The following LRP2 variants were observed in gnomAD, a reference collection of about 807,000 sequenced individuals.
LRP2 encodes the protein LDL receptor related protein 2.
LRP2 carries 172 observed loss-of-function variants against 531.0 expected under a neutral mutation model. That is an observed-to-expected ratio of 0.32 (90% CI 0.29 to 0.37). The LOEUF is 0.37. Among genes scored for constraint, LRP2 ranks in the 10% least tolerant of loss-of-function variants. The pLI is 1.00. For missense variants in LRP2, 5,167 were observed against 5,868.3 expected (o/e 0.88, Z 3.90); for synonymous variants, 1,992 against 2,027.6 (o/e 0.98, Z 0.47).
chr2:169,321,258 C>T (rs1476214234), intron 1 of LRP2, among the ~76,000 whole-genome samples: 1 of 152,046 alleles, frequency 6.6e-6, no homozygotes, highest in Non-Finnish European at 1.5e-5. Context: ...AGATTTTCAT[C>T]GCAACATTAT....
chr2:169,334,161 T>A (rs1685340271), intron 1 of LRP2, among the ~76,000 whole-genome samples: 1 of 152,214 alleles, frequency 6.6e-6, no homozygotes, highest in Non-Finnish European at 1.5e-5. Flanking sequence ...TTGCCTAATC[T>A]GTGTTTTAAA....
At chr2:169,285,987 G>A (rs1574221407) in intron 9 of LRP2, among the ~76,000 whole-genome samples, 6 of 152,332 alleles carry the variant, frequency 3.9e-5, no homozygotes, top group Admixed American at 3.9e-4. Flanking sequence ...GCCATACAGA[G>A]AGTATTTGTT....
intron 56 of LRP2, 27 bp downstream of exon 56, chr2:169,173,892 T>C: frequency 6.2e-7 from 1 of 1,613,806 alleles, no homozygotes; most frequent in Non-Finnish European, 8.5e-7. Flanking sequence ...GCTCTGGTCA[T>C]GCCTTGGTCC....
intron 1 of LRP2, among the ~76,000 whole-genome samples, chr2:169,359,485 G>T (rs1231438979): frequency 6.6e-6 from 1 of 152,088 alleles, no homozygotes; most frequent in African/African-American, 2.4e-5. Flanking sequence ...TGCGAAGTTT[G>T]CAATGGTAGC....
intron 24 of LRP2, among the ~76,000 whole-genome samples, chr2:169,241,587 C>T (rs573437615): frequency 1.6e-4 from 25 of 152,262 alleles, no homozygotes; most frequent in Middle Eastern, 3.4e-3. Context: ...AAACGAAGTA[C>T]AGAACGCACA....
chr2:169,204,171 A>G lies in LRP2; in HGVS notation c.7816T>C (p.Tyr2606His), dbSNP rs1688297594. 6.2e-7 allele frequency: 1 copy of G among 1,614,186 alleles called. No homozygotes were observed. The highest frequency in any genetic ancestry group is 8.5e-7 in the Non-Finnish European group (1 of 1,180,014). The change falls in exon 42 of 79, where the codon TAC becomes CAC. Residue 2606 changes from tyrosine (Y) to histidine (H), a missense_variant. By Grantham distance (83) the Tyr-to-His change is moderately conservative. Coordinates refer to ENST00000649046, the MANE Select transcript of LRP2 (RefSeq NM_004525.3). The stretch of plus-strand genomic sequence containing the variant: ...CTTTGTGTGTACAAGTCAGTCCAGT[A>G]AATATACTGGCCATAGAGAGTCAAG... Reference protein sequence around the residue: ...FGLTLYGQYIYWTDLYTQRIY... With the variant: ...FGLTLYGQYIHWTDLYTQRIY...
At chr2:169,184,000 T>C (rs1687535265) in intron 50 of LRP2, among the ~76,000 whole-genome samples, 1 of 152,140 alleles carries the variant, frequency 6.6e-6, no homozygotes, top group Non-Finnish European at 1.5e-5. Flanking sequence ...AAGTTTACCC[T>C]ACCCTCACCC....
chr2:169,267,312 GCAC>G (rs1370121866), intron 16 of LRP2, among the ~76,000 whole-genome samples: 1 of 151,964 alleles, frequency 6.6e-6, no homozygotes, highest in African/African-American at 2.4e-5. Flanking sequence ...ATTCCTCTCA[GCAC>G]CACATCGCAC....
intron 68 of LRP2, among the ~76,000 whole-genome samples, chr2:169,148,632 AGT>A (rs1686009095): frequency 1.3e-5 from 2 of 152,184 alleles, no homozygotes; most frequent in South Asian, 4.1e-4. Flanking sequence ...TGTCTATATA[AGT>A]AAATTAATTA....
rs1171292449 is a variant in LRP2 at position 169,190,868 on chromosome 2, A to G, written c.9032+964T>C. On this transcript the variant is annotated intron_variant, in intron 48 of 78. Transcript: ENST00000649046. ...TAGTCAATCAGGATTGAAACTTACAAATTGTTCTTCTCCATTTCCTTCCAT... is the reference window on the plus strand; with the variant it reads ...TAGTCAATCAGGATTGAAACTTACAGATTGTTCTTCTCCATTTCCTTCCAT... 2.0e-5 allele frequency among the ~76,000 whole-genome samples: 3 copies of G among 152,276 alleles called. No individual in the cohort carries two copies. In the East Asian group the frequency reaches 5.8e-4, roughly 29 times the overall value.
chr2:169,290,468 CTA>C (rs1308049964), intron 8 of LRP2, among the ~76,000 whole-genome samples: 1 of 151,992 alleles, frequency 6.6e-6, no homozygotes, highest in Non-Finnish European at 1.5e-5. Flanking sequence ...TAGATGGAGT[CTA>C]TTTCTTCCAT....
At chr2:169,312,898 A>T (rs1257244036) in intron 3 of LRP2, among the ~76,000 whole-genome samples, 1 of 152,010 alleles carries the variant, frequency 6.6e-6, no homozygotes, top group African/African-American at 2.4e-5. Context: ...GGCTTTGTTC[A>T]TTTCTTTTTA....
Position 169,156,386 on chromosome 2 carries a change from T to C in LRP2, c.12039A>G (p.Gln4013=). ...TGCAGTGCTGGGGACAAGTCCCAAATTGTTCACATTCATTGATATCTGTAG... is the reference window on the plus strand; with the variant it reads ...TGCAGTGCTGGGGACAAGTCCCAAACTGTTCACATTCATTGATATCTGTAG... ...TSCLDINECE[Q]FGTCPQHCRN... Residue 4013 remains glutamine, a synonymous_variant, in exon 65 of 79, where the codon CAA becomes CAG. Coordinates refer to ENST00000649046, the MANE Select transcript of LRP2 (RefSeq NM_004525.3). 1 of 1,613,552 alleles carries C rather than the reference T, an allele frequency of 6.2e-7. No individual in the cohort carries two copies. Among genetic ancestry groups the C allele is most frequent in the Non-Finnish European group, 8.5e-7 (1 of 1,179,600 alleles).
At chr2:169,293,312 A>G (rs963292181) in intron 6 of LRP2, among the ~76,000 whole-genome samples, 3 of 152,234 alleles carry the variant, frequency 2.0e-5, no homozygotes, top group Non-Finnish European at 4.4e-5. Context: ...TTTGCATTGC[A>G]GGCAACAGCA....
Position 169,154,451 on chromosome 2 carries a change from T to A in LRP2, c.12295+9A>T. On this transcript the variant is annotated intron_variant, in intron 66 of 78. Transcript: ENST00000649046. ...AATATCAATGAAAGATGCCAAAGTT[T>A]ATACTCACTGAGGCCTATGTCCTTG... is the stretch of plus-strand genomic sequence containing the variant. 1 of 1,610,690 alleles carries A rather than the reference T, an allele frequency of 6.2e-7. No individual in the cohort carries two copies. The highest frequency in any genetic ancestry group is 8.5e-7 in the Non-Finnish European group (1 of 1,177,022).
chr2:169,352,822 G>A (rs561764526), intron 1 of LRP2, among the ~76,000 whole-genome samples: 2 of 151,866 alleles, frequency 1.3e-5, no homozygotes, highest in African/African-American at 4.8e-5. Context: ...GGTCACAGGG[G>A]GGGGAACATC....
At chr2:169,282,021 C>T (rs1363825798) in intron 10 of LRP2, among the ~76,000 whole-genome samples, 1 of 152,088 alleles carries the variant, frequency 6.6e-6, no homozygotes, top group Admixed American at 6.6e-5. Context: ...CACTACATAT[C>T]TTCTTATAAT....
intron 3 of LRP2, among the ~76,000 whole-genome samples, chr2:169,312,202 A>G (rs938154879): frequency 1.3e-5 from 2 of 151,990 alleles, no homozygotes; most frequent in African/African-American, 4.8e-5. Context: ...GCCCATTTAC[A>G]TTTAAGGTTA....
intron 1 of LRP2, among the ~76,000 whole-genome samples, chr2:169,355,041 C>A (rs11685268): frequency 0.44 from 66,487 of 152,044 alleles, 15,394 homozygotes; most frequent in South Asian, 0.57. Context: ...AATACTGCAC[C>A]AGACTTAAGG....
Sources: gnomAD v4.1 joint callset for allele counts (sites outside exome capture counted in the v4.1 genomes callset) on GRCh38, gnomAD v4.1.1 for gene constraint, MANE v1.5 for transcripts, NCBI Gene and HGNC (gene_info 2026-07-23, HGNC 2026-07-21) for gene names.